PCDH9: variants seen among roughly 807,000 people sequenced by gnomAD.
PCDH9 encodes the protein protocadherin-9.
In PCDH9, 24 loss-of-function variants were observed where a neutral mutation model predicts 70.6. That is an observed-to-expected ratio of 0.34 (90% CI 0.25 to 0.48). The LOEUF (loss-of-function observed/expected upper bound fraction) is 0.48, where lower values mean the gene tolerates loss of function less well. PCDH9 is among the 20% of genes least tolerant of loss of function. PCDH9 has a pLI of 0.99. For missense variants in PCDH9, 1,281 were observed against 1,503.6 expected, an observed-to-expected ratio of 0.85 and a Z score of 2.45; for synonymous variants, 562 against 558.5, an observed-to-expected ratio of 1.01 and a Z score of -0.09.
intron 3 of PCDH9, among the ~76,000 whole-genome samples, chr13:66,844,727 G>A (rs1270562939): frequency 6.6e-6 from 1 of 152,060 alleles, no homozygotes; most frequent in Non-Finnish European, 1.5e-5. Flanking sequence ...TATTAGAGAA[G>A]TTACCTCATC....
At chr13:66,937,659 C>T (rs1295633114) in intron 2 of PCDH9, among the ~76,000 whole-genome samples, 3 of 152,174 alleles carry the variant, frequency 2.0e-5, no homozygotes, top group Non-Finnish European at 2.9e-5. Flanking sequence ...GTAGTATATG[C>T]ACTTGTAACA....
At chr13:66,481,892 A>G (rs1373164301) in intron 4 of PCDH9, among the ~76,000 whole-genome samples, 1 of 152,216 alleles carries the variant, frequency 6.6e-6, no homozygotes, top group Admixed American at 6.5e-5. Flanking sequence ...ATTAACAAAA[A>G]TACTTCAGAA....
rs1955435035 is a variant in PCDH9, at chr13:66,304,876, T to C, written c.3493A>G (p.Lys1165Glu). ...AGCTTGTCCTTCTTCACCCATTCTT[T>C]CTGGGGTGCAAAGGTTGAGAGAGGA... ...KSPLSTFAPQKEWVKKDKLVN... is the reference protein window; with the variant it reads ...KSPLSTFAPQEEWVKKDKLVN... The change falls in exon 5 of 5, where the codon AAA (lysine) becomes GAA (glutamate). Residue 1165 changes from lysine to glutamate, a missense_variant. By Grantham distance (56) the Lys-to-Glu change is moderately conservative (BLOSUM62 1). Coordinates refer to ENST00000377865, the MANE Select transcript of PCDH9 (RefSeq NM_203487.3). 2 of 1,613,482 alleles carry C rather than the reference T, an allele frequency of 1.2e-6. No homozygotes were observed. Among genetic ancestry groups the C allele is most frequent in the Non-Finnish European group, 1.7e-6 (2 of 1,179,764 alleles).
chr13:66,410,430 T>C (rs904808942), intron 4 of PCDH9, among the ~76,000 whole-genome samples: 1 of 152,190 alleles, frequency 6.6e-6, no homozygotes, highest in African/African-American at 2.4e-5. Flanking sequence ...CATTCCTGAG[T>C]GGCCACAGGA....
At chr13:66,899,585 A>G (rs1403045526) in intron 3 of PCDH9, among the ~76,000 whole-genome samples, 1 of 152,014 alleles carries the variant, frequency 6.6e-6, no homozygotes, top group Non-Finnish European at 1.5e-5. Context: ...TCCAATAACT[A>G]TGAGACATTT....
intron 4 of PCDH9, among the ~76,000 whole-genome samples, chr13:66,391,333 T>C (rs1957014015): frequency 6.6e-6 from 1 of 152,202 alleles, no homozygotes; most frequent in Admixed American, 6.6e-5. Context: ...TGTGGATGTC[T>C]TGAATGTTCC....
At chr13:67,098,191 A>T (rs2086361260) in intron 2 of PCDH9, among the ~76,000 whole-genome samples, 1 of 152,170 alleles carries the variant, frequency 6.6e-6, no homozygotes, top group African/African-American at 2.4e-5. Context: ...AGAAAAATCA[A>T]ATAGTGTGAC....
At chr13:66,442,254 G>A (rs922085114) in intron 4 of PCDH9, among the ~76,000 whole-genome samples, 4 of 152,120 alleles carry the variant, frequency 2.6e-5, no homozygotes, top group African/African-American at 9.7e-5. Context: ...GATCACTATA[G>A]AAGTCCCTGG....
chr13:66,972,480 G>T (rs1360011659), intron 2 of PCDH9, among the ~76,000 whole-genome samples: 1 of 151,864 alleles, frequency 6.6e-6, no homozygotes, highest in African/African-American at 2.4e-5. Context: ...TCCTGAAGAA[G>T]AACACGGCTT....
chr13:67,171,648 CG>C (rs2088288397), intron 2 of PCDH9, among the ~76,000 whole-genome samples: 1 of 152,150 alleles, frequency 6.6e-6, no homozygotes, highest in Non-Finnish European at 1.5e-5. Context: ...TGGTGCAGTG[CG>C]TATAAACTAC....
chr13:66,497,726 T>C (rs559879572), intron 4 of PCDH9, among the ~76,000 whole-genome samples: 1 of 152,194 alleles, frequency 6.6e-6, no homozygotes, highest in South Asian at 2.1e-4. Context: ...AAGCAGGTGT[T>C]CCTTACACAG....
intron 2 of PCDH9, chr13:67,214,047 C>T (rs190694559): frequency 7.2e-5 from 11 of 152,230 alleles, no homozygotes; most frequent in African/African-American, 2.6e-4. Context: ...ATGATTTTGG[C>T]CCCAGGATAT....
chr13:67,130,653 G>A (rs1357065676), intron 2 of PCDH9, among the ~76,000 whole-genome samples: 2 of 151,974 alleles, frequency 1.3e-5, no homozygotes, highest in Non-Finnish European at 2.9e-5. Context: ...GACATCTCAC[G>A]GGAACAAGGG....
intron 4 of PCDH9, among the ~76,000 whole-genome samples, chr13:66,478,816 T>C (rs1958781298): frequency 6.6e-6 from 1 of 152,256 alleles, no homozygotes; most frequent in African/African-American, 2.4e-5. Context: ...CAAGTGCTGA[T>C]GGAGAAGCTG....
At chr13:66,974,008 A>C (rs2083571034) in intron 2 of PCDH9, among the ~76,000 whole-genome samples, 1 of 152,004 alleles carries the variant, frequency 6.6e-6, no homozygotes, top group African/African-American at 2.4e-5. Flanking sequence ...AACATGATAC[A>C]TTACAGTGAA....
intron 4 of PCDH9, among the ~76,000 whole-genome samples, chr13:66,491,413 G>GTGTGTGTGTGTGTGTGTT (rs1218018867): frequency 6.6e-6 from 1 of 151,650 alleles, no homozygotes; most frequent in African/African-American, 2.4e-5. Flanking sequence ...GTGTGTGTGT[G>GTGTGTGTGTGTGTGTGTT]TGTGTATGAG....
chr13:66,737,877 G>T (rs2079180719), intron 3 of PCDH9, among the ~76,000 whole-genome samples: 1 of 152,124 alleles, frequency 6.6e-6, no homozygotes, highest in African/African-American at 2.4e-5. Context: ...TGCTAGCACA[G>T]CAGTCTGAGA....
At chr13:67,126,375 G>A (rs190902279) in intron 2 of PCDH9, among the ~76,000 whole-genome samples, 30 of 152,176 alleles carry the variant, frequency 2.0e-4, no homozygotes, top group Non-Finnish European at 7.4e-5. Flanking sequence ...TTGTAGATCA[G>A]TTGTTTAAAT....
At chr13:66,823,780 C>T (rs1424866515) in intron 3 of PCDH9, among the ~76,000 whole-genome samples, 1 of 152,006 alleles carries the variant, frequency 6.6e-6, no homozygotes, top group East Asian at 1.9e-4. Flanking sequence ...CAATTGTCCA[C>T]AATGTTTATT....
Sources: allele counts gnomAD v4.1 joint callset (sites outside exome capture counted in the v4.1 genomes callset), GRCh38; gene constraint gnomAD v4.1.1; transcripts MANE v1.5; gene names NCBI Gene and HGNC (gene_info 2026-07-23, HGNC 2026-07-21).